Variants in ZFYVE9 observed in about 807,000 individuals in gnomAD.
ZFYVE9 encodes zinc finger FYVE-type containing 9.
A neutral mutation model predicts 126.7 loss-of-function variants in ZFYVE9; 43 were observed. That is an observed-to-expected ratio of 0.34 (90% CI 0.27 to 0.44). ZFYVE9 has a LOEUF of 0.44. Ranked by LOEUF, ZFYVE9 falls within the 20% of genes least tolerant of loss-of-function variation. The pLI, the probability that ZFYVE9 is intolerant of heterozygous loss-of-function variation, is 1.00. For synonymous variants in ZFYVE9, 521 were observed against 597.4 expected (o/e 0.87, Z 1.87); for missense variants, 1,476 against 1,697.0 (o/e 0.87, Z 2.29).
At chr1:52,259,546 G>C (rs1294602219) in intron 4 of ZFYVE9, among the ~76,000 whole-genome samples, 1 of 151,684 alleles carries the variant, frequency 6.6e-6, no homozygotes, top group Non-Finnish European at 1.5e-5. Context: ...CCAGCACTTT[G>C]GGAGGCCCAG....
intron 2 of ZFYVE9, among the ~76,000 whole-genome samples, chr1:52,219,483 G>C (rs1206167198): frequency 1.3e-5 from 2 of 151,864 alleles, no homozygotes; most frequent in Non-Finnish European, 2.9e-5. Context: ...TAGATAAGGA[G>C]TATTAGATAA....
chr1:52,318,963 G>A lies in ZFYVE9; in HGVS notation c.3439-13805G>A, dbSNP rs189530416. Among the ~76,000 whole-genome samples the A allele has an allele frequency of 2.0e-5, 3 of 152,232 alleles. No individual in the cohort carries two copies. The East Asian group carries it at 5.8e-4, about 29-fold the overall frequency. On this transcript the variant is annotated intron_variant, in intron 13 of 18. Coordinates refer to ENST00000287727, the MANE Select transcript of ZFYVE9 (RefSeq NM_004799.4). ...AATACAAAAATTAGCCAGGTGTCAT[G>A]GCACATGCCTGTAGTTCCAGCTACT...
intron 7 of ZFYVE9, among the ~76,000 whole-genome samples, chr1:52,271,908 C>T (rs1645696389): frequency 6.6e-6 from 1 of 152,116 alleles, no homozygotes; most frequent in African/African-American, 2.4e-5. Flanking sequence ...GGCATGATCT[C>T]AGCTCACTGC....
intron 1 of ZFYVE9, among the ~76,000 whole-genome samples, chr1:52,193,802 G>A (rs909345528): frequency 4.7e-5 from 7 of 150,240 alleles, no homozygotes; most frequent in Non-Finnish European, 1.0e-4. Context: ...ACACACGCAC[G>A]CGCGCACACA....
intron 1 of ZFYVE9, among the ~76,000 whole-genome samples, chr1:52,149,320 A>G (rs866374670): frequency 1.1e-4 from 16 of 152,092 alleles, no homozygotes; most frequent in Admixed American, 2.6e-4. Flanking sequence ...ACTATGTCCT[A>G]AAAAACCTCA....
intron 1 of ZFYVE9, among the ~76,000 whole-genome samples, chr1:52,148,661 A>G (rs1380764395): frequency 6.8e-6 from 1 of 146,508 alleles, no homozygotes; most frequent in African/African-American, 2.5e-5. Flanking sequence ...TTTTTTTTTG[A>G]GATGGAGTCT....
chr1:52,153,917 A>T (rs950052595), intron 1 of ZFYVE9, among the ~76,000 whole-genome samples: 1 of 152,200 alleles, frequency 6.6e-6, no homozygotes, highest in Non-Finnish European at 1.5e-5. Flanking sequence ...ACCTAGCTCT[A>T]AATCAGTGCA....
chr1:52,321,760 A>G lies in ZFYVE9; in HGVS notation c.3439-11008A>G, dbSNP rs887301767. Among the ~76,000 whole-genome samples, 7 of 152,352 alleles carry G rather than the reference A, an allele frequency of 4.6e-5. No homozygotes were observed. The South Asian group carries it at 1.2e-3, about 27-fold the overall frequency. On this transcript the variant is annotated intron_variant, in intron 13 of 18. Coordinates refer to ENST00000287727, the MANE Select transcript of ZFYVE9 (RefSeq NM_004799.4). ...TCTCATTGTGTTTATGTCAAGCACC[A>G]CAAGAAGTTCTGGACTCCTAGGGCA...
chr1:52,244,847 C>T (rs545393054), intron 4 of ZFYVE9, among the ~76,000 whole-genome samples: 1 of 152,098 alleles, frequency 6.6e-6, no homozygotes, highest in African/African-American at 2.4e-5. Flanking sequence ...TGTATTTGTT[C>T]TTTTTTAAAA....
At chr1:52,160,665 C>T (rs533238863) in intron 1 of ZFYVE9, 25 of 592,138 alleles carry the variant, frequency 4.2e-5, no homozygotes, top group Middle Eastern at 3.9e-4. Context: ...CCGCCTGCGT[C>T]GGCCTCCTGC....
chr1:52,217,375 AGTTGAGT>A (rs1339904174), intron 2 of ZFYVE9, among the ~76,000 whole-genome samples: 1 of 152,218 alleles, frequency 6.6e-6, no homozygotes, highest in Non-Finnish European at 1.5e-5. Flanking sequence ...ATGACCAGGA[AGTTGAGT>A]CTTTGAAGAG....
chr1:52,189,139 A>G (rs1392524062), intron 1 of ZFYVE9, among the ~76,000 whole-genome samples: 1 of 150,324 alleles, frequency 6.7e-6, no homozygotes, highest in East Asian at 2.0e-4. Context: ...GTTTCACCAT[A>G]TTGGCCCGGG....
chr1:52,215,010 C>T (rs1645059995), intron 1 of ZFYVE9, among the ~76,000 whole-genome samples: 1 of 152,074 alleles, frequency 6.6e-6, no homozygotes. Flanking sequence ...ACAGACATAC[C>T]CAGAAATAGT....
chr1:52,242,426 AT>A (rs1335112497), intron 4 of ZFYVE9, among the ~76,000 whole-genome samples: 1 of 151,968 alleles, frequency 6.6e-6, no homozygotes, highest in Admixed American at 6.6e-5. Flanking sequence ...GAGGGTAAGG[AT>A]TTTTTCTGCC....
chr1:52,210,410 A>T (rs1479941002), intron 1 of ZFYVE9, among the ~76,000 whole-genome samples: 1 of 150,298 alleles, frequency 6.7e-6, no homozygotes, highest in Non-Finnish European at 1.5e-5. Context: ...CCTAAACTGT[A>T]CTCTAAGAGA....
chr1:52,291,585 C>A (rs1022559070), intron 10 of ZFYVE9, among the ~76,000 whole-genome samples: 2 of 152,074 alleles, frequency 1.3e-5, no homozygotes, highest in African/African-American at 4.8e-5. Flanking sequence ...ATGCTTTGGC[C>A]AGGCATGGTG....
At chr1:52,322,671 C>T (rs577667203) in intron 13 of ZFYVE9, among the ~76,000 whole-genome samples, 1 of 152,108 alleles carries the variant, frequency 6.6e-6, no homozygotes, top group East Asian at 1.9e-4. Context: ...CCACCATGCC[C>T]AGCCTGGTCC....
At chr1:52,323,367 A>G (rs971808456) in intron 13 of ZFYVE9, among the ~76,000 whole-genome samples, 7 of 152,172 alleles carry the variant, frequency 4.6e-5, no homozygotes, top group African/African-American at 1.7e-4. Context: ...AGCACTTGTC[A>G]TTGTATAATA....
intron 1 of ZFYVE9, among the ~76,000 whole-genome samples, chr1:52,173,859 A>G (rs1030300660): frequency 6.6e-6 from 1 of 151,618 alleles, no homozygotes; most frequent in Non-Finnish European, 1.5e-5. Context: ...TCCCCTTTAT[A>G]ATTTTTTATT....
Sources: allele counts gnomAD v4.1 joint callset (sites outside exome capture counted in the v4.1 genomes callset), GRCh38; gene constraint gnomAD v4.1.1; transcripts MANE v1.5; gene names NCBI Gene and HGNC (gene_info 2026-07-23, HGNC 2026-07-21).